SGCD: variants seen among roughly 807,000 people sequenced by gnomAD.
SGCD encodes sarcoglycan delta, also known as delta-sarcoglycan.
Under a neutral mutation model 36.6 loss-of-function variants are expected in SGCD, and 18 were observed. That is an observed-to-expected ratio of 0.49 (90% CI 0.34 to 0.73). The LOEUF (loss-of-function observed/expected upper bound fraction) is 0.73, where lower values mean the gene tolerates loss of function less well. SGCD is among the 30% of genes least tolerant of loss of function. SGCD has a pLI of 0.01. For missense variants in SGCD, 387 were observed against 346.7 expected (o/e 1.12, Z -0.92); for synonymous variants, 133 against 130.6 (o/e 1.02, Z -0.12).
intron 1 of SGCD, among the ~76,000 whole-genome samples, chr5:156,052,139 C>A (rs889096801): frequency 6.8e-6 from 1 of 146,246 alleles, no homozygotes; most frequent in Non-Finnish European, 1.5e-5. Flanking sequence ...GCTTGAATCC[C>A]AAGTTCCACC....
At position 156,025,707 on chromosome 5, in the gene SGCD, A is replaced by T. The variant is rs1445659105; in HGVS notation, c.-281-92171A>T. Among the ~76,000 whole-genome samples, 3 of 152,234 alleles carry T rather than the reference A, an allele frequency of 2.0e-5. No individual in the cohort carries two copies. In the East Asian group the frequency reaches 5.8e-4, roughly 29 times the overall value. ...TGGTATTATGTTGTATTATTTTGTT[A>T]ACCTTTATTATAATGGAAATTGCTG... On this transcript the variant is annotated intron_variant, in intron 1 of 9. Coordinates refer to the SGCD transcript ENST00000517913.
intron 7 of SGCD, among the ~76,000 whole-genome samples, chr5:156,725,852 A>T (rs1162511357): frequency 6.7e-6 from 1 of 148,848 alleles, no homozygotes; most frequent in Non-Finnish European, 1.5e-5. Context: ...TGAAGAAAAA[A>T]ACAAACTTTC....
At chr5:156,213,384 C>T (rs566411140) in intron 3 of SGCD, among the ~76,000 whole-genome samples, 2 of 151,970 alleles carry the variant, frequency 1.3e-5, no homozygotes, top group Admixed American at 6.5e-5. Context: ...GGATAAATTC[C>T]AAGAAACATA....
intron 6 of SGCD, among the ~76,000 whole-genome samples, chr5:156,626,102 C>T (rs1446933066): frequency 6.6e-6 from 1 of 152,118 alleles, no homozygotes. Context: ...ACACAGCATC[C>T]TACAGTGCAC....
At chr5:155,879,796 G>A (rs976602141) in intron 1 of SGCD, among the ~76,000 whole-genome samples, 5 of 152,022 alleles carry the variant, frequency 3.3e-5, no homozygotes, top group African/African-American at 4.8e-5. Context: ...CCTCTCTAAG[G>A]CAGTTTTAAC....
At chr5:156,039,836 C>A (rs547120433) in intron 1 of SGCD, among the ~76,000 whole-genome samples, 4 of 152,220 alleles carry the variant, frequency 2.6e-5, no homozygotes, top group African/African-American at 9.6e-5. Flanking sequence ...TCAGTTGGCT[C>A]TTGTCATGAC....
intron 6 of SGCD, among the ~76,000 whole-genome samples, chr5:156,608,035 C>G (rs913624801): frequency 3.3e-5 from 5 of 152,240 alleles, no homozygotes; most frequent in Middle Eastern, 3.4e-3. Context: ...TTTGGTGTCT[C>G]TATTTCCTTC....
the SGCD span, among the ~76,000 whole-genome samples, chr5:155,782,739 T>G: frequency 6.6e-6 from 1 of 152,138 alleles, no homozygotes; most frequent in African/African-American, 2.4e-5. Context: ...GGCATTAGAT[T>G]CTTACAGGAG....
At chr5:156,433,445 C>G (rs1206577538) in intron 3 of SGCD, among the ~76,000 whole-genome samples, 2 of 152,018 alleles carry the variant, frequency 1.3e-5, no homozygotes, top group African/African-American at 4.8e-5. Context: ...GAACAAAGGC[C>G]CACGTTGGTG....
At chr5:156,569,144 G>A (rs1047061311) in intron 4 of SGCD, among the ~76,000 whole-genome samples, 9 of 152,136 alleles carry the variant, frequency 5.9e-5, no homozygotes, top group Admixed American at 1.3e-4. Flanking sequence ...CGAACTCAGC[G>A]AACTCATATT....
chr5:156,288,258 A>G (rs1272934026), intron 3 of SGCD, among the ~76,000 whole-genome samples: 2 of 152,144 alleles, frequency 1.3e-5, no homozygotes, highest in Non-Finnish European at 2.9e-5. Flanking sequence ...AAGGAAATCA[A>G]TAGTTCTGAG....
Position 155,953,072 on chromosome 5 carries a change from C to T in SGCD, c.-282+82648C>T, listed in dbSNP as rs575414819. Among the ~76,000 whole-genome samples the T allele has an allele frequency of 2.6e-5, 4 of 152,150 alleles. No homozygotes were observed. The South Asian group carries it at 6.2e-4, about 24-fold the overall frequency. On this transcript the variant is annotated intron_variant, in intron 1 of 9. Coordinates refer to the SGCD transcript ENST00000517913. ...TTTTTTTAATTCTGTGTTCATTTTT[C>T]GCTGACCTCACTCGCCCAGTTATCA... is the stretch of plus-strand genomic sequence containing the variant.
At position 156,201,721 on chromosome 5, in the gene SGCD, G is replaced by GT. The variant is rs34180440; in HGVS notation, c.-44+77715dup. On this transcript the variant is annotated intron_variant, in intron 3 of 9. Coordinates refer to the SGCD transcript ENST00000517913. ...AAGAGGACAAGCCCATAATTCCCTA[G>GT]TTTTTTTTTTTTTAATCTAATAAGT... 6.0e-3 allele frequency among the ~76,000 whole-genome samples: 886 copies of GT among 147,754 alleles called. 3 individuals carry two copies. Among genetic ancestry groups the GT allele is most frequent in the Middle Eastern group, 0.014 (4 of 284 alleles).
intron 2 of SGCD, among the ~76,000 whole-genome samples, chr5:156,336,105 G>C (rs1257590929): frequency 1.3e-5 from 2 of 152,104 alleles, no homozygotes; most frequent in African/African-American, 4.8e-5. Flanking sequence ...CCTTCTGCCT[G>C]TGCCCAAGCT....
chr5:156,233,619 T>C (rs982012219), intron 3 of SGCD, among the ~76,000 whole-genome samples: 2 of 152,180 alleles, frequency 1.3e-5, no homozygotes, highest in Non-Finnish European at 2.9e-5. Context: ...TGTCACATTT[T>C]TGTGTGCAAC....
intron 3 of SGCD, among the ~76,000 whole-genome samples, chr5:156,143,233 C>T (rs917549501): frequency 6.6e-6 from 1 of 152,238 alleles, no homozygotes; most frequent in Non-Finnish European, 1.5e-5. Context: ...CCTGTGAGTG[C>T]ACTGAATGCA....
Position 156,098,351 on chromosome 5 carries a change from C to T in SGCD, c.-281-19527C>T, listed in dbSNP as rs1016059799. Reference sequence around the variant, plus strand: ...TTGACTCAAGCAGATTATATATGCACCCAAATTCTAGAATTTTCTGAGAAA... The same window carrying T: ...TTGACTCAAGCAGATTATATATGCATCCAAATTCTAGAATTTTCTGAGAAA... On this transcript the variant is annotated intron_variant, in intron 1 of 9. Coordinates refer to the SGCD transcript ENST00000517913. Among the ~76,000 whole-genome samples, 6 of 151,984 alleles carry T rather than the reference C, an allele frequency of 3.9e-5. 1 individual carries two copies. Among genetic ancestry groups the T allele is most frequent in the African/African-American group, 1.5e-4 (6 of 41,372 alleles).
chr5:155,771,767 G>A, the SGCD span, among the ~76,000 whole-genome samples: 1 of 151,788 alleles, frequency 6.6e-6, no homozygotes, highest in Non-Finnish European at 1.5e-5. Flanking sequence ...GCCCAGGGTG[G>A]TCTTGAACTC....
chr5:155,990,475 A>G (rs1029945797), intron 1 of SGCD, among the ~76,000 whole-genome samples: 6 of 152,186 alleles, frequency 3.9e-5, no homozygotes, highest in Non-Finnish European at 5.9e-5. Context: ...TTTTGTAGAC[A>G]GTTGTCATGT....
Sources: gnomAD v4.1 joint callset for allele counts (sites outside exome capture counted in the v4.1 genomes callset) on GRCh38, gnomAD v4.1.1 for gene constraint, MANE v1.5 for transcripts, NCBI Gene and HGNC (gene_info 2026-07-23, HGNC 2026-07-21) for gene names.